MBIP: variants seen among roughly 807,000 people sequenced by gnomAD.
The protein encoded by MBIP is MAP3K12 binding inhibitory protein 1, also known as MAP3K12-binding inhibitory protein 1.
In MBIP, 32 loss-of-function variants were observed where a neutral mutation model predicts 45.7. The ratio of observed to expected loss-of-function variants is 0.70; its 90% CI spans 0.53 to 0.94. MBIP has a LOEUF of 0.94. Among genes scored for constraint, MBIP ranks in the 40% least tolerant of loss-of-function variants. The pLI is 0.00. For missense variants in MBIP, 381 were observed against 405.5 expected, an observed-to-expected ratio of 0.94 and a Z score of 0.52; for synonymous variants, 145 against 141.0, an observed-to-expected ratio of 1.03 and a Z score of -0.20.
In MBIP at chr14:36,299,039, A is replaced by C. The variant is rs765868169; in HGVS notation, c.*44T>G. On this transcript the variant is annotated 3_prime_UTR_variant, in exon 9 of 9. Coordinates refer to ENST00000416007, the MANE Select transcript of MBIP (RefSeq NM_016586.3). ...GAATTAATAACAGTGTAAGTTACACATATGTATACAAAAAAGTAAAATGAC... is the reference window on the plus strand; with the variant it reads ...GAATTAATAACAGTGTAAGTTACACCTATGTATACAAAAAAGTAAAATGAC... 7.7e-7 allele frequency: 1 copy of C among 1,305,048 alleles called. No homozygotes were observed. Among genetic ancestry groups the C allele is most frequent in the South Asian group, 1.2e-5 (1 of 84,494 alleles). 80.8% of individuals were successfully genotyped at this position (1,305,048 alleles called of 1,614,324 possible). A position where few individuals can be genotyped will look rare whatever the true frequency, so the allele number is the denominator to read the frequency against.
chr14:36,320,459 C>T lies in MBIP; in HGVS notation c.129+1G>A. On this transcript the variant is annotated splice_donor_variant, in intron 1 of 8. Coordinates refer to ENST00000416007, the MANE Select transcript of MBIP (RefSeq NM_016586.3). LOFTEE classifies it high-confidence loss of function. Reference sequence around the variant, plus strand: ...TCCCAGTCCCTCAGGCCACCTCTCACCTGTCCAACCAGGGTGTGTAGGGAG... The same window carrying T: ...TCCCAGTCCCTCAGGCCACCTCTCATCTGTCCAACCAGGGTGTGTAGGGAG... 1 of 1,614,150 alleles carries T rather than the reference C, an allele frequency of 6.2e-7. No homozygotes were observed. Among genetic ancestry groups the T allele is most frequent in the Non-Finnish European group, 8.5e-7 (1 of 1,180,040 alleles).
intron 7 of MBIP, 29 bp from the exon 8 acceptor site, chr14:36,300,852 AG>A: frequency 7.4e-7 from 1 of 1,344,224 alleles, no homozygotes; most frequent in Non-Finnish European, 1.0e-6. Flanking sequence ...GGTAATGTTT[AG>A]AAAAATCTAA....
chr14:36,309,669 C>A (rs1378211733), intron 6 of MBIP, among the ~76,000 whole-genome samples: 1 of 152,196 alleles, frequency 6.6e-6, no homozygotes, highest in Non-Finnish European at 1.5e-5. Context: ...GCTTTTGCTG[C>A]TCCCTTTACC....
rs777320509 is a variant in MBIP at position 36,314,589 on chromosome 14, G to A, written c.494C>T (p.Ala165Val). 3.1e-6 allele frequency: 5 copies of A among 1,610,378 alleles called. No individual in the cohort carries two copies. Among genetic ancestry groups the A allele is most frequent in the Non-Finnish European group, 4.2e-6 (5 of 1,178,656 alleles). Residue 165 changes from alanine (A) to valine (V), a missense_variant, in exon 4 of 9, where the codon GCA (alanine) becomes GTA (valine). Transcript: ENST00000416007. Reference sequence around the variant, plus strand: ...TTCAGCTTGCTTTCTTTCAATAAATGCAGATATTCGTCTGTCAATCTACAA... The same window carrying A: ...TTCAGCTTGCTTTCTTTCAATAAATACAGATATTCGTCTGTCAATCTACAA... ...GKAEIDRRIS[A>V]FIERKQAEIN...
At chr14:36,311,292 TTC>T (rs1322708292) in intron 6 of MBIP, among the ~76,000 whole-genome samples, 1 of 152,092 alleles carries the variant, frequency 6.6e-6, no homozygotes, top group East Asian at 1.9e-4. Context: ...TATCTCTTTT[TTC>T]TTTTTTTTTT....
intron 6 of MBIP, among the ~76,000 whole-genome samples, chr14:36,308,989 A>G (rs1323497816): frequency 6.6e-6 from 1 of 152,214 alleles, no homozygotes; most frequent in Non-Finnish European, 1.5e-5. Context: ...TTTCACTCAG[A>G]TTAAATACCA....
intron 4 of MBIP, among the ~76,000 whole-genome samples, chr14:36,313,090 T>C (rs1440881184): frequency 7.2e-5 from 11 of 151,992 alleles, no homozygotes; most frequent in Admixed American, 7.2e-4. Flanking sequence ...ATGCATAAAA[T>C]TCCAAATCCA....
chr14:36,305,533 G>C (rs1352845038), intron 7 of MBIP, among the ~76,000 whole-genome samples: 1 of 151,790 alleles, frequency 6.6e-6, no homozygotes, highest in Non-Finnish European at 1.5e-5. Flanking sequence ...ATACATATAT[G>C]CCAATCCTCT....
intron 6 of MBIP, among the ~76,000 whole-genome samples, chr14:36,310,806 T>C (rs1594516345): frequency 6.6e-6 from 1 of 152,268 alleles, no homozygotes; most frequent in East Asian, 1.9e-4. Flanking sequence ...GAGTGGGAGA[T>C]GGGAAGCCCA....
chr14:36,300,683 G>C (rs1045433333), intron 8 of MBIP, 102 bp downstream of exon 8: 5 of 783,228 alleles, frequency 6.4e-6, no homozygotes, highest in Middle Eastern at 2.4e-4. Context: ...ATTTTACCAG[G>C]GTATGACCTA....
In MBIP at chr14:36,316,702, TA is replaced by T; in HGVS notation, c.239del (p.Leu80TyrfsTer7). The T allele has an allele frequency of 6.2e-7, 1 of 1,602,980 alleles. No homozygotes were observed. Among genetic ancestry groups the T allele is most frequent in the Non-Finnish European group, 8.5e-7 (1 of 1,175,866 alleles). On this transcript the variant is annotated frameshift_variant, in exon 2 of 9. Transcript: ENST00000416007. LOFTEE classifies it high-confidence loss of function. The stretch of plus-strand genomic sequence containing the variant: ...CTAACAAGAAATTTACCTGTAAATA[TA>T]AAATGTGTTGTTCAAGTGCACTAAA... ...LLFSALEQHI[L>X]YLQPFLAKLQ...
At chr14:36,307,422 C>T (rs1879949048) in intron 7 of MBIP, among the ~76,000 whole-genome samples, 1 of 151,336 alleles carries the variant, frequency 6.6e-6, no homozygotes. Context: ...AAAAACAAAA[C>T]TTAGAGAAGG....
chr14:36,311,611 C>A lies in MBIP; in HGVS notation c.752G>T (p.Arg251Leu), dbSNP rs777248661. The A allele has an allele frequency of 1.2e-6, 2 of 1,612,970 alleles. No individual in the cohort carries two copies. Among genetic ancestry groups the A allele is most frequent in the South Asian group, 2.2e-5 (2 of 90,962 alleles). Residue 251 changes from arginine (R) to leucine (L), a missense_variant, in exon 6 of 9, where the codon CGA becomes CTA. Transcript: ENST00000416007. ...RDCGNQAVEE[R>L]LQNIEAHLRL... ...CAAGTGGGCCTCAATATTTTGTAGT[C>A]GTTCTTCTACAGCCTGATTACCACA... is the stretch of plus-strand genomic sequence containing the variant.
In MBIP at chr14:36,314,521, A is replaced by C. The variant is rs1473712811; in HGVS notation, c.562T>G (p.Cys188Gly). 1 of 1,604,342 alleles carries C rather than the reference A, an allele frequency of 6.2e-7. No individual in the cohort carries two copies. The highest frequency in any genetic ancestry group is 8.5e-7 in the Non-Finnish European group (1 of 1,175,614). ...ATTTCCAGGTAGTTACCTTGATTACAATCAATAACATTGCAAAATTCCCTG... is the reference window on the plus strand; with the variant it reads ...ATTTCCAGGTAGTTACCTTGATTACCATCAATAACATTGCAAAATTCCCTG... The part of the protein sequence containing the change: ...NVREFCNVID[C>G]NQENSCARTD... Residue 188 changes from cysteine to glycine, a missense_variant, in exon 4 of 9, where the codon TGT becomes GGT. Cys to Gly is a radical substitution (Grantham distance 159). Coordinates refer to ENST00000416007, the MANE Select transcript of MBIP (RefSeq NM_016586.3).
At chr14:36,306,217 T>C (rs1014711362) in intron 7 of MBIP, among the ~76,000 whole-genome samples, 2 of 152,004 alleles carry the variant, frequency 1.3e-5, no homozygotes, top group African/African-American at 4.8e-5. Context: ...GATTATGATG[T>C]GGAGGGCTTT....
chr14:36,308,040 A>C, intron 7 of MBIP, 52 bp downstream of exon 7: 1 of 1,005,206 alleles, frequency 9.9e-7, no homozygotes, highest in Non-Finnish European at 1.5e-6. Context: ...ACCACAAAGA[A>C]TCCAGAATAC....
intron 6 of MBIP, 40 bp downstream of exon 6, chr14:36,311,533 C>T (rs769262620): frequency 1.3e-6 from 2 of 1,538,560 alleles, no homozygotes; most frequent in South Asian, 2.5e-5. Context: ...TAACCATTTG[C>T]AAAGGTTCAT....
chr14:36,317,634 A>G (rs1880652327), intron 1 of MBIP, among the ~76,000 whole-genome samples: 1 of 152,132 alleles, frequency 6.6e-6, no homozygotes, highest in African/African-American at 2.4e-5. Flanking sequence ...ATTATTATCA[A>G]AATGAGTGAA....
chr14:36,314,799 G>A lies in MBIP; in HGVS notation c.366C>T (p.Gly122=), dbSNP rs145521896. ...TGTGCTTTTCTTCCTCTTGTAGGTC[G>A]CCAATGGAAAATTTGTCATTTACTT... ...KNEVNDKFSI[G]DLQEEEKHKE... Residue 122 remains glycine (G), a synonymous_variant, in exon 3 of 9, where the codon GGC becomes GGT. Transcript: ENST00000416007. 56 of 1,612,908 alleles carry A rather than the reference G, an allele frequency of 3.5e-5. No homozygotes were observed. The highest frequency in any genetic ancestry group is 1.8e-4 in the Admixed American group (11 of 59,916).
Sources: gnomAD v4.1 joint callset for allele counts (sites outside exome capture counted in the v4.1 genomes callset) on GRCh38, gnomAD v4.1.1 for gene constraint, MANE v1.5 for transcripts, NCBI Gene and HGNC (gene_info 2026-07-23, HGNC 2026-07-21) for gene names.